The following RBFOX1 variants were observed in gnomAD, a reference collection of about 807,000 sequenced individuals.
The protein encoded by RBFOX1 is RNA binding fox-1 homolog 1.
In RBFOX1, 8 loss-of-function variants were observed where a neutral mutation model predicts 57.7. The observed-to-expected ratio is 0.14, with a 90% CI of 0.08 to 0.25. The LOEUF (loss-of-function observed/expected upper bound fraction) is 0.25. RBFOX1 is among the 10% of genes least tolerant of loss of function. The probability of loss-of-function intolerance (pLI) is 1.00; values close to 1 mark genes in which losing one functional copy is unlikely to be tolerated. For missense variants in RBFOX1, 611 were observed against 548.5 expected, an observed-to-expected ratio of 1.11 and a Z score of -1.14; for synonymous variants, 326 against 222.4, an observed-to-expected ratio of 1.47 and a Z score of -4.15.
intron 2 of RBFOX1, among the ~76,000 whole-genome samples, chr16:5,589,428 G>A (rs1320837244): frequency 6.6e-6 from 1 of 152,178 alleles, no homozygotes; most frequent in Non-Finnish European, 1.5e-5. Flanking sequence ...AAATGAGGAT[G>A]AGCGTTCTCT....
At chr16:7,258,341 A>T (rs7201197) in intron 4 of RBFOX1, among the ~76,000 whole-genome samples, 8 of 152,142 alleles carry the variant, frequency 5.3e-5, no homozygotes, top group African/African-American at 1.9e-4. Flanking sequence ...AAGAAATATT[A>T]ATGGTTGTAA....
chr16:5,380,166 G>A (rs1299056160), intron 1 of RBFOX1, among the ~76,000 whole-genome samples: 1 of 152,238 alleles, frequency 6.6e-6, no homozygotes, highest in Non-Finnish European at 1.5e-5. Context: ...TCTGATGACA[G>A]CATCCTCCGC....
intron 4 of RBFOX1, among the ~76,000 whole-genome samples, chr16:7,494,659 C>T (rs924574042): frequency 7.2e-5 from 11 of 152,042 alleles, no homozygotes; most frequent in Admixed American, 5.9e-4. Context: ...GAGGAGCCAA[C>T]ACTCAAAAAG....
At chr16:6,986,800 A>G (rs150570073) in intron 3 of RBFOX1, among the ~76,000 whole-genome samples, 1 of 152,120 alleles carries the variant, frequency 6.6e-6, no homozygotes, top group African/African-American at 2.4e-5. Context: ...AAATAACTGA[A>G]CACGCTGTAG....
chr16:6,937,235 G>C (rs1035470305), intron 3 of RBFOX1, among the ~76,000 whole-genome samples: 2 of 151,946 alleles, frequency 1.3e-5, no homozygotes, highest in Non-Finnish European at 2.9e-5. Flanking sequence ...ATGAATCCCT[G>C]GGTACTCAGA....
At chr16:7,561,214 T>A (rs1601838632) in intron 5 of RBFOX1, among the ~76,000 whole-genome samples, 1 of 152,230 alleles carries the variant, frequency 6.6e-6, no homozygotes, top group East Asian at 1.9e-4. Flanking sequence ...CTTTTACAAA[T>A]AAAGTTTTAT....
intron 1 of RBFOX1, among the ~76,000 whole-genome samples, chr16:5,402,735 T>C (rs1308913149): frequency 6.6e-6 from 1 of 152,174 alleles, no homozygotes; most frequent in Non-Finnish European, 1.5e-5. Context: ...GAGACCCTCT[T>C]AAGTGTGTTA....
intron 2 of RBFOX1, among the ~76,000 whole-genome samples, chr16:6,351,665 C>G (rs373642532): frequency 1.8e-3 from 278 of 152,008 alleles, no homozygotes; most frequent in African/African-American, 6.2e-3. Context: ...TAAGCCACCG[C>G]TCCCGGCCTA....
intron 5 of RBFOX1, among the ~76,000 whole-genome samples, chr16:7,532,973 T>C: frequency 6.6e-6 from 1 of 152,246 alleles, no homozygotes; most frequent in East Asian, 1.9e-4. Context: ...ATTGCCTGCA[T>C]TGTAAAATGG....
intron 4 of RBFOX1, among the ~76,000 whole-genome samples, chr16:7,086,117 G>A (rs540482284): frequency 1.3e-5 from 2 of 152,184 alleles, no homozygotes; most frequent in South Asian, 2.1e-4. Flanking sequence ...TAGCCAGTAT[G>A]CATCTTGATG....
At chr16:5,691,226 C>T (rs2050668268) in intron 3 of RBFOX1, among the ~76,000 whole-genome samples, 1 of 152,148 alleles carries the variant, frequency 6.6e-6, no homozygotes, top group Non-Finnish European at 1.5e-5. Context: ...TTTCTGTTGC[C>T]TGCAAGCAAA....
chr16:5,668,728 C>G (rs958190589), intron 3 of RBFOX1, among the ~76,000 whole-genome samples: 17 of 152,204 alleles, frequency 1.1e-4, no homozygotes, highest in African/African-American at 4.1e-4. Flanking sequence ...GCAGGCTCCT[C>G]CTCTCCTCCC....
chr16:6,501,350 C>G (rs1419210826), intron 2 of RBFOX1, among the ~76,000 whole-genome samples: 1 of 129,012 alleles, frequency 7.8e-6, no homozygotes, highest in Non-Finnish European at 1.6e-5. Context: ...TCCATGTGTT[C>G]TCACTGTTCA....
chr16:5,745,924 C>T (rs1478862821), intron 3 of RBFOX1, among the ~76,000 whole-genome samples: 1 of 152,154 alleles, frequency 6.6e-6, no homozygotes, highest in African/African-American at 2.4e-5. Flanking sequence ...TTTTGCTGTG[C>T]AGAAGCTCTT....
intron 3 of RBFOX1, among the ~76,000 whole-genome samples, chr16:6,714,037 G>C (rs1385012543): frequency 6.6e-6 from 1 of 152,236 alleles, no homozygotes; most frequent in East Asian, 1.9e-4. Flanking sequence ...TGGAGGAAGA[G>C]AAGTCATTGG....
At chr16:6,004,299 C>T (rs1476696332) in intron 4 of RBFOX1, among the ~76,000 whole-genome samples, 1 of 152,188 alleles carries the variant, frequency 6.6e-6, no homozygotes. Flanking sequence ...TGACCTTGGA[C>T]ATTTCACTTA....
At chr16:6,724,501 C>G (rs1041655598) in intron 3 of RBFOX1, among the ~76,000 whole-genome samples, 2 of 152,146 alleles carry the variant, frequency 1.3e-5, no homozygotes, top group African/African-American at 4.8e-5. Context: ...AGCCACCACA[C>G]CTGGCTGCCA....
At chr16:5,308,809 G>T (rs147200408) in intron 1 of RBFOX1, among the ~76,000 whole-genome samples, 35 of 151,528 alleles carry the variant, frequency 2.3e-4, no homozygotes, top group South Asian at 6.3e-4. Context: ...CCTCTCTTGT[G>T]TCTTTTTCTG....
At position 5,857,109 on chromosome 16, in the gene RBFOX1, A is replaced by G. The variant is rs565528814; in HGVS notation, c.319-10194A>G. Among the ~76,000 whole-genome samples the G allele has an allele frequency of 7.9e-5, 12 of 152,294 alleles. No homozygotes were observed. The South Asian group carries it at 2.1e-3, about 26-fold the overall frequency. ...TCTTTCACTTGAACACTTAAAGGTC[A>G]TGGTAGGATTATTCACTGACCTGAT... On this transcript the variant is annotated intron_variant, in intron 3 of 19. Coordinates refer to the RBFOX1 transcript ENST00000641259.
Sources: allele counts gnomAD v4.1 joint callset (sites outside exome capture counted in the v4.1 genomes callset), GRCh38; gene constraint gnomAD v4.1.1; transcripts MANE v1.5; gene names NCBI Gene and HGNC (gene_info 2026-07-23, HGNC 2026-07-21).